The following MDH1 variants were observed in gnomAD, a reference collection of about 807,000 sequenced individuals.
MDH1 encodes the protein malate dehydrogenase 1.
MDH1 carries 15 observed loss-of-function variants against 38.7 expected under a neutral mutation model. The ratio of observed to expected loss-of-function variants is 0.39; its 90% CI spans 0.26 to 0.60. The LOEUF is 0.60. Ranked by LOEUF, MDH1 falls within the 20% of genes least tolerant of loss-of-function variation. The probability of loss-of-function intolerance (pLI) is 0.56; values close to 1 mark genes in which losing one functional copy is unlikely to be tolerated. For missense variants in MDH1, 368 were observed against 405.2 expected (o/e 0.91, Z 0.79); for synonymous variants, 144 against 143.6 (o/e 1.00, Z -0.02).
At chr2:63,605,196 T>G (rs1709503173) in intron 6 of MDH1, 84 bp from the exon 7 acceptor site, 1 of 892,526 alleles carries the variant, frequency 1.1e-6, no homozygotes, top group East Asian at 2.6e-5. Context: ...TCATAGCTTT[T>G]CACCCCAAGG....
chr2:63,606,788 A>G (rs1709539083), intron 8 of MDH1, 74 bp from the exon 9 acceptor site: 1 of 1,151,602 alleles, frequency 8.7e-7, no homozygotes, highest in Non-Finnish European at 1.2e-6. Context: ...TCTAAATATA[A>G]GTTCAAACAA....
chr2:63,593,455 T>C, intron 1 of MDH1: 1 of 420,626 alleles, frequency 2.4e-6, no homozygotes, highest in South Asian at 1.8e-5. Flanking sequence ...ACCAAATTGC[T>C]GAGTGCTGCT....
At chr2:63,593,581 C>T (rs749161514) in intron 1 of MDH1, 10 of 471,366 alleles carry the variant, frequency 2.1e-5, no homozygotes, top group African/African-American at 1.8e-4. Context: ...AAAAAGAAAC[C>T]AAACACTTCT....
At chr2:63,590,306 A>G (rs6546019) in intron 1 of MDH1, 122,234 of 152,172 alleles carry the variant, frequency 0.8, 49,755 homozygotes, top group East Asian at 0.98. Context: ...TCGAGACCCA[A>G]AGAGAATGTG....
rs1420432202 is a variant in MDH1 at position 63,606,910 on chromosome 2, C to T, written c.928C>T (p.Arg310Cys). The change falls in exon 9 of 9, where the codon CGT (arginine) becomes TGT (cysteine). Residue 310 changes from arginine (R) to cysteine (C), a missense_variant. Coordinates refer to ENST00000233114, the MANE Select transcript of MDH1 (RefSeq NM_005917.4). ...VEGLPINDFS[R>C]EKMDLTAKEL... ...AGGTCTCCCTATTAATGATTTCTCA[C>T]GTGAGAAGATGGATCTTACTGCAAA... 14 of 1,611,672 alleles carry T rather than the reference C, an allele frequency of 8.7e-6. No individual in the cohort carries two copies. Among genetic ancestry groups the T allele is most frequent in the South Asian group, 7.7e-5 (7 of 90,934 alleles).
intron 2 of MDH1, 48 bp downstream of exon 2, chr2:63,594,634 G>C (rs770273105): frequency 7.6e-7 from 1 of 1,321,040 alleles, no homozygotes; most frequent in East Asian, 2.3e-5. Context: ...TAAGAATATG[G>C]TTAATAAAAA....
intron 1 of MDH1, chr2:63,589,478 AGC>A: frequency 3.1e-6 from 4 of 1,274,046 alleles, no homozygotes; most frequent in Admixed American, 2.0e-5. Context: ...GGACCTTGAA[AGC>A]AAAAAGCTGG....
intron 1 of MDH1, among the ~76,000 whole-genome samples, chr2:63,592,068 C>G (rs955519441): frequency 2.0e-5 from 3 of 152,150 alleles, no homozygotes; most frequent in African/African-American, 7.2e-5. Flanking sequence ...TCTCTAGCCC[C>G]CTGTTTTAGA....
intron 3 of MDH1, 173 bp from the exon 4 acceptor site, chr2:63,597,226 G>A: frequency 7.5e-6 from 7 of 927,448 alleles, no homozygotes; most frequent in Non-Finnish European, 7.7e-6. Flanking sequence ...CATTTCTAAT[G>A]TTATGATTGT....
chr2:63,589,186 TG>T (rs1558855602), intron 1 of MDH1, 140 bp downstream of exon 1: 1 of 1,604,472 alleles, frequency 6.2e-7, no homozygotes, highest in South Asian at 1.1e-5. Context: ...ACTCATCTTC[TG>T]GGGATTGCCG....
At chr2:63,589,081 G>C (rs372341562) in intron 1 of MDH1, 35 bp downstream of exon 1, 5 of 1,614,000 alleles carry the variant, frequency 3.1e-6, no homozygotes, top group Non-Finnish European at 4.2e-6. Flanking sequence ...CCCACCTCTG[G>C]CCCTCGCGCC....
chr2:63,590,791 G>T (rs1709183930), intron 1 of MDH1: 1 of 152,156 alleles, frequency 6.6e-6, no homozygotes, highest in Admixed American at 6.5e-5. Context: ...CTGGCAGTTT[G>T]CTGGAACTGA....
In MDH1 at chr2:63,589,043, C is replaced by G. The variant is rs572354778; in HGVS notation, c.-1C>G. ...TGAAATTGTCCCCGCAGTTTTCAAT[C>G]ATGGTGAGTGTGGGCCCCGGGTTCC... On this transcript the variant is annotated 5_prime_UTR_variant, in exon 1 of 9. It adds an upstream start codon to the 5' untranslated region. Coordinates refer to ENST00000233114, the MANE Select transcript of MDH1 (RefSeq NM_005917.4). 1 of 1,614,230 alleles carries G rather than the reference C, an allele frequency of 6.2e-7. No individual in the cohort carries two copies. The highest frequency in any genetic ancestry group is 1.1e-5 in the South Asian group (1 of 91,092).
intron 5 of MDH1, among the ~76,000 whole-genome samples, chr2:63,603,274 C>T (rs578133282): frequency 3.3e-5 from 5 of 152,132 alleles, no homozygotes; most frequent in Middle Eastern, 3.4e-3. Flanking sequence ...CATTCTTGAA[C>T]GACATTTGAG....
chr2:63,599,042 T>C (rs878926968), intron 4 of MDH1, 128 bp from the exon 5 acceptor site: 3 of 725,766 alleles, frequency 4.1e-6, no homozygotes, highest in Admixed American at 2.9e-5. Context: ...TATGCTATAT[T>C]GTATTTGGTG....
chr2:63,591,608 T>C (rs1709203075), intron 1 of MDH1, among the ~76,000 whole-genome samples: 2 of 152,238 alleles, frequency 1.3e-5, no homozygotes. Flanking sequence ...CCCCCTTTTC[T>C]TATCCTAGTT....
chr2:63,594,417 T>C (rs1239570382), intron 1 of MDH1, 71 bp from the exon 2 acceptor site: 2 of 1,126,948 alleles, frequency 1.8e-6, no homozygotes, highest in East Asian at 2.4e-5. Context: ...TTTCTTACTA[T>C]AGATTAAAAT....
chr2:63,602,254 A>C (rs1011126200), intron 5 of MDH1, among the ~76,000 whole-genome samples: 1 of 152,146 alleles, frequency 6.6e-6, no homozygotes, highest in Non-Finnish European at 1.5e-5. Context: ...TACTTAACTG[A>C]ATAAATTAGT....
chr2:63,595,607 G>C lies in MDH1; in HGVS notation c.199+88G>C, dbSNP rs1709295720. On this transcript the variant is annotated intron_variant, in intron 3 of 8. Transcript: ENST00000233114. Reference sequence around the variant, plus strand: ...GGTTTTTGTTAAAGGCTCTCAATTAGAAATTATTTCATAAGAGGATTTTTT... The same window carrying C: ...GGTTTTTGTTAAAGGCTCTCAATTACAAATTATTTCATAAGAGGATTTTTT... The C allele has an allele frequency of 1.2e-5, 9 of 773,130 alleles. No individual in the cohort carries two copies. The South Asian group carries it at 1.4e-4, about 12-fold the overall frequency. 47.9% of individuals were successfully genotyped at this position (773,130 alleles called of 1,614,324 possible).
Sources: gnomAD v4.1 joint callset for allele counts (sites outside exome capture counted in the v4.1 genomes callset) on GRCh38, gnomAD v4.1.1 for gene constraint, MANE v1.5 for transcripts, NCBI Gene and HGNC (gene_info 2026-07-23, HGNC 2026-07-21) for gene names.